Variants in RIMS2 observed in about 807,000 individuals in gnomAD.
RIMS2 encodes regulating synaptic membrane exocytosis protein 2.
RIMS2 carries 59 observed loss-of-function variants against 174.4 expected under a neutral mutation model. That is an observed-to-expected ratio of 0.34 (90% CI 0.27 to 0.42). The LOEUF is 0.42. Ranked by LOEUF, RIMS2 falls within the 10% of genes least tolerant of loss-of-function variation. The probability of loss-of-function intolerance (pLI) is 1.00; values close to 1 mark genes in which losing one functional copy is unlikely to be tolerated. For missense variants in RIMS2, 1,620 were observed against 1,666.3 expected (o/e 0.97, Z 0.48); for synonymous variants, 606 against 572.5 (o/e 1.06, Z -0.84).
intron 1 of RIMS2, among the ~76,000 whole-genome samples, chr8:103,616,856 C>T (rs2095516446): frequency 6.6e-6 from 1 of 152,132 alleles, no homozygotes; most frequent in Non-Finnish European, 1.5e-5. Context: ...CAAAACTCTG[C>T]TCAAAGAAAT....
intron 1 of RIMS2, among the ~76,000 whole-genome samples, chr8:103,504,026 C>G (rs1001611766): frequency 1.3e-5 from 2 of 152,014 alleles, no homozygotes; most frequent in East Asian, 3.8e-4. Context: ...GAGCGAGGTA[C>G]TATAATTTTG....
exon 4 of RIMS2, chr8:103,885,392 G>A (rs750171549): frequency 1.7e-5 from 28 of 1,612,226 alleles, no homozygotes; most frequent in East Asian, 2.2e-5. Context: ...TTCGGATACC[G>A]CAATGCCTAG....
intron 3 of RIMS2, among the ~76,000 whole-genome samples, chr8:103,870,320 C>T (rs1407345151): frequency 6.6e-6 from 1 of 151,880 alleles, no homozygotes; most frequent in African/African-American, 2.4e-5. Flanking sequence ...ACCCACAACT[C>T]AGTGCTAAGT....
intron 19 of RIMS2, among the ~76,000 whole-genome samples, chr8:104,053,486 A>G (rs1024905664): frequency 2.9e-4 from 44 of 152,150 alleles, no homozygotes; most frequent in Non-Finnish European, 7.4e-5. Context: ...TGACAAGGAG[A>G]TTGGGAAAGT....
At chr8:103,936,592 T>C in exon 13 of RIMS2, 1 of 1,600,996 alleles carries the variant, frequency 6.2e-7, no homozygotes, top group Non-Finnish European at 8.5e-7. Context: ...AAGAAAACAT[T>C]GGAACCCAAA....
At chr8:104,072,029 C>A (rs1368296862) in intron 19 of RIMS2, among the ~76,000 whole-genome samples, 5 of 152,126 alleles carry the variant, frequency 3.3e-5, no homozygotes, top group Non-Finnish European at 7.4e-5. Context: ...ATGCAGGCAG[C>A]TTACCTCAAA....
chr8:103,977,989 T>C (rs1364617099), intron 16 of RIMS2, among the ~76,000 whole-genome samples: 3 of 152,226 alleles, frequency 2.0e-5, no homozygotes, highest in Non-Finnish European at 4.4e-5. Context: ...GTTCCAGCCC[T>C]GTAATCACCT....
chr8:103,724,305 A>G (rs965645176), intron 2 of RIMS2, among the ~76,000 whole-genome samples: 1 of 152,142 alleles, frequency 6.6e-6, no homozygotes, highest in African/African-American at 2.4e-5. Context: ...CTACTCTGCC[A>G]TCTTCCTGAC....
chr8:103,905,795 G>A (rs529798232), intron 4 of RIMS2, among the ~76,000 whole-genome samples: 2 of 123,280 alleles, frequency 1.6e-5, no homozygotes, highest in South Asian at 4.9e-4. Context: ...TTTTTCTGTA[G>A]TCTGTTTTCT....
At chr8:103,585,209 G>C (rs1417782269) in intron 1 of RIMS2, among the ~76,000 whole-genome samples, 2 of 152,154 alleles carry the variant, frequency 1.3e-5, no homozygotes, top group East Asian at 3.9e-4. Context: ...ATGCCAGTCA[G>C]AATGGCGATT....
chr8:104,232,844 A>G (rs1253475436), intron 19 of RIMS2, among the ~76,000 whole-genome samples: 1 of 151,340 alleles, frequency 6.6e-6, no homozygotes, highest in East Asian at 1.9e-4. Flanking sequence ...GCACCTTCCT[A>G]TTTTAACTTC....
intron 3 of RIMS2, among the ~76,000 whole-genome samples, chr8:103,851,642 T>G (rs2098998489): frequency 9.2e-6 from 1 of 108,974 alleles, no homozygotes. Flanking sequence ...AGGAATGCTA[T>G]GTACACACAC....
At chr8:103,880,758 TA>T in intron 3 of RIMS2, 1 of 427,446 alleles carries the variant, frequency 2.3e-6, no homozygotes. Flanking sequence ...TGTTTTTTTA[TA>T]AATAGAAATT....
chr8:103,890,808 A>G (rs1021579930), intron 4 of RIMS2, among the ~76,000 whole-genome samples: 13 of 151,766 alleles, frequency 8.6e-5, no homozygotes, highest in East Asian at 3.9e-4. Flanking sequence ...ATATTTTTTC[A>G]TAGCCTTAAA....
intron 1 of RIMS2, among the ~76,000 whole-genome samples, chr8:103,554,399 T>C (rs7829262): frequency 0.18 from 27,653 of 152,088 alleles, 2,745 homozygotes; most frequent in African/African-American, 0.26. Context: ...CAGATGCTTT[T>C]CAAAAGATGA....
rs566283036 is a variant in RIMS2, at chr8:103,677,885, G to A, written c.177-19201G>A. 6.6e-5 allele frequency among the ~76,000 whole-genome samples: 10 copies of A among 152,172 alleles called. No homozygotes were observed. In the East Asian group the frequency reaches 1.9e-3, roughly 29 times the overall value. ...GGAGCTGAATTAGTTACAGTTAGGT[G>A]CTTGCCTTATTTATTTATTCTGTAT... On this transcript the variant is annotated intron_variant, in intron 1 of 23. Coordinates refer to ENST00000504942, the Ensembl canonical transcript of RIMS2.
At chr8:103,518,161 C>G (rs1829932121) in intron 1 of RIMS2, among the ~76,000 whole-genome samples, 1 of 152,180 alleles carries the variant, frequency 6.6e-6, no homozygotes, top group East Asian at 1.9e-4. Context: ...TAATATTGTT[C>G]TAAATATCCA....
At chr8:103,505,845 T>A (rs894440714) in intron 1 of RIMS2, among the ~76,000 whole-genome samples, 2 of 152,232 alleles carry the variant, frequency 1.3e-5, no homozygotes, top group Admixed American at 6.5e-5. Flanking sequence ...AGAGCCTTTT[T>A]AAAAAAATTT....
At chr8:103,725,995 TA>T (rs1055642134) in intron 2 of RIMS2, among the ~76,000 whole-genome samples, 8 of 152,220 alleles carry the variant, frequency 5.3e-5, no homozygotes, top group Admixed American at 2.0e-4. Flanking sequence ...GTGCCTATTT[TA>T]AATTTGGGTT....
Sources: allele counts gnomAD v4.1 joint callset (sites outside exome capture counted in the v4.1 genomes callset), GRCh38; gene constraint gnomAD v4.1.1; transcripts MANE v1.5; gene names NCBI Gene and HGNC (gene_info 2026-07-23, HGNC 2026-07-21).